Variants in MPRIP observed in about 807,000 individuals in gnomAD.
The protein encoded by MPRIP is myosin phosphatase Rho interacting protein.
MPRIP carries 59 observed loss-of-function variants against 234.9 expected under a neutral mutation model. That is an observed-to-expected ratio of 0.25 (90% CI 0.20 to 0.31). MPRIP has a LOEUF of 0.31. MPRIP is among the 10% of genes least tolerant of loss of function. The probability of loss-of-function intolerance (pLI) is 1.00; values close to 1 mark genes in which losing one functional copy is unlikely to be tolerated. For missense variants in MPRIP, 2,436 were observed against 3,071.0 expected, an observed-to-expected ratio of 0.79 and a Z score of 4.89; for synonymous variants, 1,144 against 1,263.9, an observed-to-expected ratio of 0.91 and a Z score of 2.01.
At position 17,138,656 on chromosome 17, in the gene MPRIP, G is replaced by A. The variant is rs1273245275; in HGVS notation, c.1250+227G>A. On this transcript the variant is annotated intron_variant, in intron 7 of 23. Coordinates refer to ENST00000651222, the MANE Select transcript of MPRIP (RefSeq NM_001364716.4). The surrounding 1 kb of genome is among the most constrained non-coding windows in gnomAD (Gnocchi z 5.8). The stretch of plus-strand genomic sequence containing the variant: ...GCATCAGAGGTCGACGCCAAGAATA[G>A]CAGTTTTCACATCAGTGCCTCCTAG... Among the ~76,000 whole-genome samples the A allele has an allele frequency of 1.3e-5, 2 of 152,254 alleles. No homozygotes were observed. Among genetic ancestry groups the A allele is most frequent in the African/African-American group, 2.4e-5 (1 of 41,478 alleles).
intron 16 of MPRIP, among the ~76,000 whole-genome samples, chr17:17,169,838 A>G (rs1430343113): frequency 2.6e-5 from 4 of 152,260 alleles, no homozygotes; most frequent in Non-Finnish European, 5.9e-5. Context: ...GTCATCGGGG[A>G]ACTTCTTTTG....
intron 4 of MPRIP, among the ~76,000 whole-genome samples, chr17:17,127,362 C>G (rs1219636456): frequency 6.6e-6 from 1 of 152,270 alleles, no homozygotes; most frequent in East Asian, 1.9e-4. Context: ...GCTGCCACTG[C>G]ACAGATTGGT....
At position 17,164,548 on chromosome 17, in the gene MPRIP, G is replaced by C; in HGVS notation, c.2957G>C (p.Arg986Pro). The C allele has an allele frequency of 3.3e-5, 40 of 1,209,004 alleles. No homozygotes were observed. Among genetic ancestry groups the C allele is most frequent in the Non-Finnish European group, 4.1e-5 (39 of 946,644 alleles). 74.9% of individuals were successfully genotyped at this position (1,209,004 alleles called of 1,614,324 possible). A position where few individuals can be genotyped will look rare whatever the true frequency, so the allele number is the denominator to read the frequency against. The change falls in exon 16 of 24, where the codon CGG (arginine) becomes CCG (proline). Residue 986 changes from arginine to proline, a missense_variant. Coordinates refer to ENST00000651222, the MANE Select transcript of MPRIP (RefSeq NM_001364716.4). ...LETQQALQRDRQKEVQRLQER... is the reference protein window; with the variant it reads ...LETQQALQRDPQKEVQRLQER... The stretch of plus-strand genomic sequence containing the variant: ...ACACAGCAGGCGCTGCAGCGGGACC[G>C]GCAGAAGGAGGTCCAGAGGCTGCAG...
chr17:17,156,190 A>C (rs574746930), intron 13 of MPRIP, among the ~76,000 whole-genome samples: 2 of 152,298 alleles, frequency 1.3e-5, no homozygotes, highest in East Asian at 3.9e-4. Flanking sequence ...TCAGGAATGC[A>C]CCTGTGCACA....
Position 17,188,490 on chromosome 17 carries a change from G to GA in MPRIP, c.*3597dup, listed in dbSNP as rs2046521855. 1.3e-5 allele frequency: 2 copies of GA among 152,244 alleles called. No homozygotes were observed. Among genetic ancestry groups the GA allele is most frequent in the African/African-American group, 4.8e-5 (2 of 41,438 alleles). The allele number at this position is 152,244 out of a possible 1,614,324, so 9.4% of individuals were successfully genotyped here. On this transcript the variant is annotated 3_prime_UTR_variant, in exon 24 of 24. Transcript: ENST00000651222. ...CAGCCACCAGCTCCCATCACCCCTT[G>GA]ACCCTCCAGCTCATGCTGGAGAAGA...
rs1409698950 is a variant in MPRIP at position 17,191,247 on chromosome 17, T to G, written c.*6353T>G. On this transcript the variant is annotated 3_prime_UTR_variant, in exon 24 of 24. Transcript: ENST00000651222. The stretch of plus-strand genomic sequence containing the variant: ...AATTAAGAAAATGATGGTGCCATCT[T>G]GACCAGACTTCTGCACAGTAATTTA... 6.6e-6 allele frequency: 1 copy of G among 152,248 alleles called. No homozygotes were observed. The highest frequency in any genetic ancestry group is 1.9e-4 in the East Asian group (1 of 5,204). The allele number at this position is 152,248 out of a possible 1,614,324, so 9.4% of individuals were successfully genotyped here.
At chr17:17,141,125 C>T (rs1435988629) in intron 7 of MPRIP, among the ~76,000 whole-genome samples, 4 of 152,208 alleles carry the variant, frequency 2.6e-5, no homozygotes, top group Non-Finnish European at 4.4e-5. Flanking sequence ...CCACGGCATG[C>T]GATTTGCATG....
At chr17:17,082,723 G>A (rs1216547511) in intron 3 of MPRIP, among the ~76,000 whole-genome samples, 2 of 152,156 alleles carry the variant, frequency 1.3e-5, no homozygotes, top group South Asian at 2.1e-4. Flanking sequence ...TCTCTCTCCA[G>A]GACCCTTTTC....
chr17:17,100,233 C>T (rs137926909), intron 3 of MPRIP, among the ~76,000 whole-genome samples: 75 of 152,294 alleles, frequency 4.9e-4, no homozygotes, highest in Middle Eastern at 3.4e-3. Flanking sequence ...GTTTCCAGAG[C>T]GCCTCAATGC....
chr17:17,073,616 G>A (rs1035144094), intron 1 of MPRIP, among the ~76,000 whole-genome samples: 6 of 152,126 alleles, frequency 3.9e-5, no homozygotes, highest in African/African-American at 1.2e-4. Flanking sequence ...GTGAGAGGCC[G>A]AGCTGGGAGT....
Position 17,167,864 on chromosome 17 carries a change from C to G in MPRIP, c.6273C>G (p.Gly2091=). The G allele has an allele frequency of 7.7e-7, 1 of 1,304,100 alleles. No individual in the cohort carries two copies. The highest frequency in any genetic ancestry group is 1.0e-6 in the Non-Finnish European group (1 of 988,952). 80.8% of individuals were successfully genotyped at this position (1,304,100 alleles called of 1,614,324 possible). The change falls in exon 16 of 24, where the codon GGC becomes GGG. Residue 2091 remains glycine (G), a synonymous_variant. Transcript: ENST00000651222. The surrounding 1 kb of genome is among the most constrained non-coding windows in gnomAD (Gnocchi z 5.9). ...AGCTGGGACACAAGGACCTGGAGGG[C>G]GACGCGGCCACACTGCGTGAGAAGT... ...REELGHKDLE[G]DAATLREKYQ... is the part of the protein sequence containing the mutation.
At chr17:17,057,597 A>G (rs7223686) in intron 1 of MPRIP, 144,666 of 717,698 alleles carry the variant, frequency 0.2, 15,657 homozygotes, top group African/African-American at 0.31. Context: ...TACGCTGTTC[A>G]TCACTGTTAC....
chr17:17,128,329 G>T (rs1033929682), intron 4 of MPRIP, among the ~76,000 whole-genome samples: 15 of 152,174 alleles, frequency 9.9e-5, no homozygotes, highest in African/African-American at 3.6e-4. Flanking sequence ...GTCTGGAGCA[G>T]GGTTGGTTCT....
At position 17,042,707 on chromosome 17, in the gene MPRIP, C is replaced by T. The variant is rs575090383; in HGVS notation, c.-142C>T. 239 of 916,462 alleles carry T rather than the reference C, an allele frequency of 2.6e-4. No homozygotes were observed. In the African/African-American group the frequency reaches 3.8e-3, roughly 14 times the overall value. The allele number at this position is 916,462 out of a possible 1,614,324, so 56.8% of individuals were successfully genotyped here. On this transcript the variant is annotated 5_prime_UTR_variant, in exon 1 of 24. Coordinates refer to ENST00000651222, the MANE Select transcript of MPRIP (RefSeq NM_001364716.4). ...GCCTCGGCGCGTGCAGCGAACCGCCCGCCGGGAAGGAGGCCGGGCCGGGCC... is the reference window on the plus strand; with the variant it reads ...GCCTCGGCGCGTGCAGCGAACCGCCTGCCGGGAAGGAGGCCGGGCCGGGCC...
At chr17:17,052,431 T>TCC (rs970659992) in intron 1 of MPRIP, among the ~76,000 whole-genome samples, 3 of 152,176 alleles carry the variant, frequency 2.0e-5, no homozygotes, top group Admixed American at 6.5e-5. Context: ...TCCCTGCCTT[T>TCC]CCCCCACATT....
intron 3 of MPRIP, among the ~76,000 whole-genome samples, chr17:17,107,649 C>G (rs1485722244): frequency 1.3e-5 from 2 of 152,226 alleles, no homozygotes; most frequent in Non-Finnish European, 2.9e-5. Context: ...TCCTGCACAT[C>G]CCCTGCTAGA....
At chr17:17,120,099 T>C (rs540864223) in intron 3 of MPRIP, among the ~76,000 whole-genome samples, 1 of 152,198 alleles carries the variant, frequency 6.6e-6, no homozygotes, top group Admixed American at 6.5e-5. Context: ...GAATGAGGGA[T>C]TGGGGGATAA....
Position 17,175,278 on chromosome 17 carries a change from G to A in MPRIP, c.6751-15G>A, listed in dbSNP as rs1407029981. On this transcript the variant is annotated splice_polypyrimidine_tract_variant and intron_variant, in intron 19 of 23. Coordinates refer to ENST00000651222, the MANE Select transcript of MPRIP (RefSeq NM_001364716.4). Reference sequence around the variant, plus strand: ...GGCAGCTCTGGAGTGTCACTGTTGTGTTGCTGTCCCCCAGGAGCTGAACAA... The same window carrying A: ...GGCAGCTCTGGAGTGTCACTGTTGTATTGCTGTCCCCCAGGAGCTGAACAA... 2 of 1,613,026 alleles carry A rather than the reference G, an allele frequency of 1.2e-6. No individual in the cohort carries two copies. Among genetic ancestry groups the A allele is most frequent in the East Asian group, 4.5e-5 (2 of 44,884 alleles).
At chr17:17,141,157 TCA>T (rs1262691191) in intron 7 of MPRIP, among the ~76,000 whole-genome samples, 3 of 152,196 alleles carry the variant, frequency 2.0e-5, no homozygotes, top group Non-Finnish European at 2.9e-5. Context: ...CAGCAGTTCC[TCA>T]CTGCTTTCCT....
Sources: gnomAD v4.1 joint callset for allele counts (sites outside exome capture counted in the v4.1 genomes callset) on GRCh38, gnomAD v4.1.1 for gene constraint, Gnocchi (gnomAD v3.1) non-coding constraint, MANE v1.5 for transcripts, NCBI Gene and HGNC (gene_info 2026-07-23, HGNC 2026-07-21) for gene names.